The following CCDC201 variants were observed in gnomAD, a reference collection of about 807,000 sequenced individuals.
CCDC201 encodes the protein coiled-coil domain containing 201.
At chr7:45,864,438 C>A (rs947692938) in intron 2 of CCDC201, among the ~76,000 whole-genome samples, 2 of 152,336 alleles carry the variant, frequency 1.3e-5, no homozygotes, top group African/African-American at 4.8e-5. Flanking sequence ...GGAACATTAA[C>A]CCATGGGGAT....
At chr7:45,881,659 C>T in the CCDC201 span, among the ~76,000 whole-genome samples, 2 of 152,148 alleles carry the variant, frequency 1.3e-5, no homozygotes, top group Non-Finnish European at 2.9e-5. Context: ...AGAATGAAGA[C>T]GAAGAGCACC....
intron 1 of CCDC201, among the ~76,000 whole-genome samples, chr7:45,872,686 A>G (rs1213054363): frequency 6.6e-6 from 1 of 152,108 alleles, no homozygotes; most frequent in East Asian, 1.9e-4. Flanking sequence ...CAGGCTGATG[A>G]GATGTGGAAG....
chr7:45,877,999 C>T (rs28793950), upstream of CCDC201, among the ~76,000 whole-genome samples: 78,382 of 152,002 alleles, frequency 0.52, 20,393 homozygotes, highest in East Asian at 0.63. Context: ...TGGAAAATGC[C>T]CCCATTTCAA....
At chr7:45,871,063 G>T (rs1008699341) in intron 1 of CCDC201, among the ~76,000 whole-genome samples, 1 of 152,134 alleles carries the variant, frequency 6.6e-6, no homozygotes, top group African/African-American at 2.4e-5. Flanking sequence ...CTTAAATGTT[G>T]ATAATTTGAT....
exon 3 of CCDC201, chr7:45,862,269 A>C (rs1390201834): frequency 6.6e-6 from 1 of 152,220 alleles, no homozygotes; most frequent in Admixed American, 6.5e-5. Context: ...GCTCACTAGG[A>C]TACCTACCCT....
At chr7:45,861,193 A>G (rs1346150309) in exon 3 of CCDC201, 2 of 152,334 alleles carry the variant, frequency 1.3e-5, no homozygotes, top group East Asian at 3.9e-4. Flanking sequence ...TCTCATGAAA[A>G]CAGTTTATTT....
At chr7:45,873,464 G>T (rs1006411148), upstream of CCDC201, among the ~76,000 whole-genome samples, 1 of 151,846 alleles carries the variant, frequency 6.6e-6, no homozygotes, top group Non-Finnish European at 1.5e-5. Flanking sequence ...CTCTGCAGAA[G>T]ACTCCTTACC....
the CCDC201 span, among the ~76,000 whole-genome samples, chr7:45,878,595 G>A: frequency 3.2e-4 from 48 of 152,324 alleles, 2 homozygotes; most frequent in South Asian, 9.5e-3. Context: ...TTTCACCATG[G>A]CTGGAGCTGG....
exon 3 of CCDC201, chr7:45,862,816 A>C (rs371446470): frequency 1.3e-5 from 2 of 152,264 alleles, no homozygotes; most frequent in Admixed American, 1.3e-4. Context: ...AGAGCTGGGC[A>C]GTGGAAAACC....
upstream of CCDC201, among the ~76,000 whole-genome samples, chr7:45,874,532 T>C (rs569933472): frequency 1.3e-5 from 2 of 152,320 alleles, no homozygotes; most frequent in East Asian, 3.9e-4. Context: ...TAAGCGGCTC[T>C]CAGCACCCAG....
At chr7:45,875,949 C>T (rs115924855), upstream of CCDC201, among the ~76,000 whole-genome samples, 1,604 of 152,308 alleles carry the variant, frequency 0.011, 25 homozygotes, top group African/African-American at 0.037. Context: ...CCACTTGGCC[C>T]CAGAATAGTG....
chr7:45,865,661 C>G (rs1296659935), intron 2 of CCDC201, among the ~76,000 whole-genome samples: 2 of 152,234 alleles, frequency 1.3e-5, no homozygotes, highest in African/African-American at 4.8e-5. Context: ...ATCACCCAGA[C>G]TCCTGTGAGC....
At chr7:45,873,169 G>A (rs1786760569), upstream of CCDC201, 1 of 152,310 alleles carries the variant, frequency 6.6e-6, no homozygotes, top group Non-Finnish European at 1.5e-5. Context: ...CATTGCACAG[G>A]TGTGGGGCAG....
intron 1 of CCDC201, among the ~76,000 whole-genome samples, chr7:45,871,412 C>T (rs573219164): frequency 1.3e-5 from 2 of 151,940 alleles, no homozygotes; most frequent in East Asian, 3.9e-4. Flanking sequence ...GAAACAAAGT[C>T]GGGTTCTTAT....
chr7:45,881,728 T>G, the CCDC201 span, among the ~76,000 whole-genome samples: 3 of 152,186 alleles, frequency 2.0e-5, no homozygotes, highest in African/African-American at 4.8e-5. Context: ...GCACCCTGAA[T>G]GCAAATGCTT....
At chr7:45,883,519 G>A in the CCDC201 span, among the ~76,000 whole-genome samples, 3 of 152,116 alleles carry the variant, frequency 2.0e-5, no homozygotes, top group Non-Finnish European at 4.4e-5. Flanking sequence ...ACCTTTGGGT[G>A]GTCAAAGGCC....
the CCDC201 span, among the ~76,000 whole-genome samples, chr7:45,880,270 A>G: frequency 4.5e-4 from 68 of 152,212 alleles, no homozygotes; most frequent in Middle Eastern, 3.2e-3. Flanking sequence ...AGAAAATATC[A>G]TTAGGAAAGG....
intron 2 of CCDC201, among the ~76,000 whole-genome samples, chr7:45,865,388 G>C (rs1214198206): frequency 6.6e-6 from 1 of 152,202 alleles, no homozygotes; most frequent in Non-Finnish European, 1.5e-5. Flanking sequence ...TGCAAACCTG[G>C]CTATGGTGAA....
At chr7:45,874,013 G>C (rs1786772358), upstream of CCDC201, among the ~76,000 whole-genome samples, 1 of 149,600 alleles carries the variant, frequency 6.7e-6, no homozygotes, top group Non-Finnish European at 1.5e-5. Context: ...TCTGCCTCCT[G>C]GGGTCAAAGG....
Sources: allele counts gnomAD v4.1 joint callset (sites outside exome capture counted in the v4.1 genomes callset), GRCh38; gene constraint gnomAD v4.1.1; transcripts MANE v1.5; gene names NCBI Gene and HGNC (gene_info 2026-07-23, HGNC 2026-07-21).